KIAA0408: variants seen among roughly 807,000 people sequenced by gnomAD.
KIAA0408 encodes the protein uncharacterized protein KIAA0408.
In KIAA0408, 51 loss-of-function variants were observed where a neutral mutation model predicts 60.9. The observed-to-expected ratio is 0.84, with a 90% confidence interval of 0.67 to 1.06. The LOEUF is 1.06. Ranked by LOEUF, KIAA0408 falls within the 50% of genes least tolerant of loss-of-function variation. KIAA0408 has a pLI of 0.00. For missense variants in KIAA0408, 787 were observed against 833.9 expected, an observed-to-expected ratio of 0.94 and a Z score of 0.69; for synonymous variants, 304 against 282.4, an observed-to-expected ratio of 1.08 and a Z score of -0.77.
At position 127,450,075 on chromosome 6, in the gene KIAA0408, G is replaced by A; in HGVS notation, c.413C>T (p.Thr138Ile). 6.2e-7 allele frequency: 1 copy of A among 1,614,132 alleles called. No individual in the cohort carries two copies. Among genetic ancestry groups the A allele is most frequent in the South Asian group, 1.1e-5 (1 of 91,084 alleles). ...GGCCTCACATTCCTTTTGGTTGTCT[G>A]TAGCCAAAGGATCCAAAAACCCTAC... ...SKVGFLDPLATDNQKECEAWP... is the reference protein window; with the variant it reads ...SKVGFLDPLAIDNQKECEAWP... Residue 138 changes from threonine (T) to isoleucine (I), a missense_variant, in exon 3 of 6, where the codon ACA (threonine) becomes ATA (isoleucine). Coordinates refer to ENST00000483725, the MANE Select transcript of KIAA0408 (RefSeq NM_014702.5).
In KIAA0408 at chr6:127,439,520, G is replaced by C. The variant is rs1462511697; in HGVS notation, c.*4589C>G. The C allele has an allele frequency of 6.6e-6, 1 of 152,076 alleles. No individual in the cohort carries two copies. The highest frequency in any genetic ancestry group is 1.5e-5 in the Non-Finnish European group (1 of 68,008). The allele number at this position is 152,076 out of a possible 1,614,324, so 9.4% of individuals were successfully genotyped here. A position where few individuals can be genotyped will look rare whatever the true frequency, so the allele number is the denominator to read the frequency against. ...TGATGACTTTTGATGATCATTGAAA[G>C]AGGGAATCAACAGAAACTCCCAATG... On this transcript the variant is annotated 3_prime_UTR_variant, in exon 6 of 6. Transcript: ENST00000483725.
At chr6:127,450,434 T>G (rs1408851034) in intron 2 of KIAA0408, 82 bp from the exon 3 acceptor site, 1 of 1,462,638 alleles carries the variant, frequency 6.8e-7, no homozygotes, top group Non-Finnish European at 9.0e-7. Context: ...GCAAACCGCT[T>G]TGAGTTCTCT....
chr6:127,458,815 G>A (rs1027871143), intron 1 of KIAA0408, among the ~76,000 whole-genome samples: 1 of 150,770 alleles, frequency 6.6e-6, no homozygotes, highest in African/African-American at 2.5e-5. Context: ...GTCTTTATAT[G>A]AATAAAAAAA....
chr6:127,454,039 CT>C lies in KIAA0408; in HGVS notation c.-59del. On this transcript the variant is annotated 5_prime_UTR_variant, in exon 2 of 6. Coordinates refer to ENST00000483725, the MANE Select transcript of KIAA0408 (RefSeq NM_014702.5). ...TCTGCTCTTCTCTGCCTCCTCTTAA[CT>C]GTTTCTTGGAAGCTTGAAGTTGTTT... The C allele has an allele frequency of 6.5e-7, 1 of 1,538,622 alleles. No homozygotes were observed. Among genetic ancestry groups the C allele is most frequent in the Non-Finnish European group, 8.7e-7 (1 of 1,143,990 alleles).
chr6:127,441,772 A>T lies in KIAA0408; in HGVS notation c.*2337T>A. 6.6e-6 allele frequency: 1 copy of T among 152,232 alleles called. No individual in the cohort carries two copies. Among genetic ancestry groups the T allele is most frequent in the East Asian group, 1.9e-4 (1 of 5,202 alleles). The allele number at this position is 152,232 out of a possible 1,614,324, so 9.4% of individuals were successfully genotyped here. On this transcript the variant is annotated 3_prime_UTR_variant, in exon 6 of 6. Transcript: ENST00000483725. Reference sequence around the variant, plus strand: ...TCCATTTAAAAGTTATAAAATATTTAAAAAGAGAAAACAGAACATTCAAAT... The same window carrying T: ...TCCATTTAAAAGTTATAAAATATTTTAAAAGAGAAAACAGAACATTCAAAT...
chr6:127,443,987 G>T lies in KIAA0408; in HGVS notation c.*122C>A. ...CCTTAGATTAAAAACACTGAAGACT[G>T]ATGGAAAGTTAAGATTCAAATTGCT... On this transcript the variant is annotated 3_prime_UTR_variant, in exon 6 of 6. Transcript: ENST00000483725. 2 of 828,270 alleles carry T rather than the reference G, an allele frequency of 2.4e-6. No individual in the cohort carries two copies. The highest frequency in any genetic ancestry group is 1.9e-6 in the Non-Finnish European group (1 of 531,584). 51.3% of individuals were successfully genotyped at this position (828,270 alleles called of 1,614,324 possible). A position where few individuals can be genotyped will look rare whatever the true frequency, so the allele number is the denominator to read the frequency against.
At chr6:127,457,292 A>G (rs1266827495) in intron 1 of KIAA0408, among the ~76,000 whole-genome samples, 5 of 152,168 alleles carry the variant, frequency 3.3e-5, no homozygotes, top group African/African-American at 1.2e-4. Context: ...GTTATGGGGT[A>G]AAGTGGTTCA....
At chr6:127,458,115 T>C (rs2114809708) in intron 1 of KIAA0408, among the ~76,000 whole-genome samples, 1 of 152,326 alleles carries the variant, frequency 6.6e-6, no homozygotes, top group East Asian at 1.9e-4. Context: ...TCATTTGGCC[T>C]GAAGATGTTT....
At chr6:127,447,824 T>C (rs1185990596) in intron 4 of KIAA0408, 84 bp from the exon 5 acceptor site, 5 of 1,438,796 alleles carry the variant, frequency 3.5e-6, no homozygotes, top group Non-Finnish European at 4.6e-6. Context: ...AAGCAATGAG[T>C]TTCTGCTATA....
Position 127,442,568 on chromosome 6 carries a change from A to ATTTGG in KIAA0408, c.*1540_*1541insCCAAA, listed in dbSNP as rs1773123221. ...CCACTTAACTACCGAAACTGTCCTT[A>ATTTGG]CAGTAAAGTATGAATCTAGACATCA... On this transcript the variant is annotated 3_prime_UTR_variant, in exon 6 of 6. Transcript: ENST00000483725. The ATTTGG allele has an allele frequency of 2.0e-5, 3 of 152,228 alleles. No individual in the cohort carries two copies. The East Asian group carries it at 5.8e-4, about 29-fold the overall frequency. The allele number at this position is 152,228 out of a possible 1,614,324, so 9.4% of individuals were successfully genotyped here.
At chr6:127,453,053 A>G (rs576246700) in intron 2 of KIAA0408, among the ~76,000 whole-genome samples, 1 of 152,264 alleles carries the variant, frequency 6.6e-6, no homozygotes, top group South Asian at 2.1e-4. Flanking sequence ...TTGCCTGCAA[A>G]AAAGGCCAAG....
rs1409715574 is a variant in KIAA0408 at position 127,446,704 on chromosome 6, C to T, written c.1615G>A (p.Glu539Lys). 5 of 1,613,900 alleles carry T rather than the reference C, an allele frequency of 3.1e-6. No homozygotes were observed. Among genetic ancestry groups the T allele is most frequent in the East Asian group, 2.2e-5 (1 of 44,856 alleles). Residue 539 changes from glutamate (E) to lysine (K), a missense_variant, in exon 5 of 6, where the codon GAG (glutamate) becomes AAG (lysine). Glu to Lys is a moderately conservative substitution (Grantham distance 56). Around this residue, in one of 3 missense-constraint regions of KIAA0408, gnomAD observed 640 missense variants for 681.3 expected, o/e 0.94. Coordinates refer to ENST00000483725, the MANE Select transcript of KIAA0408 (RefSeq NM_014702.5). ...SPRSYRNMLH[E>K]HDWRPSNLSG... ...AAATTACTCGGTCTCCAGTCATGCT[C>T]GTGGAGCATATTTCGATAACTGCGA...
intron 2 of KIAA0408, chr6:127,451,088 C>T (rs1420657650): frequency 3.2e-6 from 1 of 314,128 alleles, no homozygotes; most frequent in Non-Finnish European, 6.2e-6. Context: ...CACACTCATT[C>T]AGTTCACTTC....
rs1355744391 is a variant in KIAA0408, at chr6:127,442,815, C to T, written c.*1294G>A. 1 of 152,138 alleles carries T rather than the reference C, an allele frequency of 6.6e-6. No homozygotes were observed. The highest frequency in any genetic ancestry group is 1.5e-5 in the Non-Finnish European group (1 of 68,006). 9.4% of individuals were successfully genotyped at this position (152,138 alleles called of 1,614,324 possible). ...TAACATAATTGGTTTTATATAGTGA[C>T]AGTAGAGAGCAAAGTTCCTTCTAAA... On this transcript the variant is annotated 3_prime_UTR_variant, in exon 6 of 6. Transcript: ENST00000483725.
rs1773208684 is a variant in KIAA0408, at chr6:127,446,911, C to T, written c.1408G>A (p.Glu470Lys). The T allele has an allele frequency of 3.1e-6, 5 of 1,614,062 alleles. No homozygotes were observed. Among genetic ancestry groups the T allele is most frequent in the Non-Finnish European group, 4.2e-6 (5 of 1,179,990 alleles). ...GAGGTATCACAGGGCTTGAGATCCT[C>T]CGATGATTTTGAGCAGCTGTGATTT... ...QQNHSCSKSS[E>K]DLKPCDTSST... The change falls in exon 5 of 6, where the codon GAG becomes AAG. Residue 470 changes from glutamate to lysine, a missense_variant. Around this residue, in one of 3 missense-constraint regions of KIAA0408, gnomAD observed 640 missense variants for 681.3 expected, o/e 0.94. Transcript: ENST00000483725.
intron 2 of KIAA0408, 69 bp from the exon 3 acceptor site, chr6:127,450,421 T>C (rs748134813): frequency 1.1e-5 from 16 of 1,485,314 alleles, no homozygotes; most frequent in Non-Finnish European, 1.4e-5. Flanking sequence ...TTCTTGATAC[T>C]AAGCAAACCG....
At position 127,447,271 on chromosome 6, in the gene KIAA0408, G is replaced by T; in HGVS notation, c.1048C>A (p.Pro350Thr). 1 of 1,613,942 alleles carries T rather than the reference G, an allele frequency of 6.2e-7. No individual in the cohort carries two copies. The highest frequency in any genetic ancestry group is 1.3e-5 in the African/African-American group (1 of 75,016). Reference sequence around the variant, plus strand: ...AGTCCAACATCTTCATTACTTGGAGGCTTGCTATCTATTTTGACTTCTGGT... The same window carrying T: ...AGTCCAACATCTTCATTACTTGGAGTCTTGCTATCTATTTTGACTTCTGGT... ...LVPEVKIDSK[P>T]PSNEDVGLSM... The change falls in exon 5 of 6, where the codon CCT becomes ACT. Residue 350 changes from proline (P) to threonine (T), a missense_variant. Transcript: ENST00000483725.
At chr6:127,458,483 A>G (rs1450826700) in intron 1 of KIAA0408, among the ~76,000 whole-genome samples, 1 of 152,212 alleles carries the variant, frequency 6.6e-6, no homozygotes, top group African/African-American at 2.4e-5. Flanking sequence ...TTTTCTTTAC[A>G]GTTATTTACT....
At chr6:127,451,657 A>T (rs910349782) in intron 2 of KIAA0408, among the ~76,000 whole-genome samples, 1 of 152,144 alleles carries the variant, frequency 6.6e-6, no homozygotes, top group Non-Finnish European at 1.5e-5. Flanking sequence ...ATTTGAAGGT[A>T]TATGCACCTG....
Sources: gnomAD v4.1 joint callset for allele counts (sites outside exome capture counted in the v4.1 genomes callset) on GRCh38, gnomAD v4.1.1 for gene constraint, gnomAD v4.1.1 regional missense constraint, MANE v1.5 for transcripts, NCBI Gene and HGNC (gene_info 2026-07-23, HGNC 2026-07-21) for gene names.